The following ST6GALNAC3 variants were observed in gnomAD, a reference collection of about 807,000 sequenced individuals.
The protein encoded by ST6GALNAC3 is ST6 N-acetylgalactosaminide alpha-2,6-sialyltransferase 3, also known as alpha-N-acetylgalactosaminide alpha-2,6-sialyltransferase 3.
Under a neutral mutation model 32.7 loss-of-function variants are expected in ST6GALNAC3, and 25 were observed. The ratio of observed to expected loss-of-function variants is 0.76; its 90% CI spans 0.56 to 1.07. The LOEUF (loss-of-function observed/expected upper bound fraction) is 1.07, where lower values mean the gene tolerates loss of function less well. Ranked by LOEUF, ST6GALNAC3 falls within the 50% of genes least tolerant of loss-of-function variation. ST6GALNAC3 has a pLI of 0.00. For missense variants in ST6GALNAC3, 355 were observed against 382.4 expected, an observed-to-expected ratio of 0.93 and a Z score of 0.60; for synonymous variants, 129 against 133.1, an observed-to-expected ratio of 0.97 and a Z score of 0.21.
At chr1:76,346,000 AC>A (rs371002334) in intron 2 of ST6GALNAC3, among the ~76,000 whole-genome samples, 237 of 150,474 alleles carry the variant, frequency 1.6e-3, no homozygotes, top group African/African-American at 5.2e-3. Flanking sequence ...TCCCATGGCC[AC>A]CCCCTATAAA....
intron 3 of ST6GALNAC3, among the ~76,000 whole-genome samples, chr1:76,535,068 A>G (rs1255153917): frequency 6.6e-6 from 1 of 152,196 alleles, no homozygotes. Context: ...AATCATCTCT[A>G]GAGATAGAAT....
intron 3 of ST6GALNAC3, among the ~76,000 whole-genome samples, chr1:76,557,085 T>C (rs1345850658): frequency 6.6e-6 from 1 of 152,020 alleles, no homozygotes; most frequent in Non-Finnish European, 1.5e-5. Flanking sequence ...TTTTTTTGCA[T>C]GTGAATATAC....
At chr1:76,353,012 C>A (rs1030962578) in intron 2 of ST6GALNAC3, among the ~76,000 whole-genome samples, 1 of 152,114 alleles carries the variant, frequency 6.6e-6, no homozygotes, top group African/African-American at 2.4e-5. Flanking sequence ...CCTGCTTCCA[C>A]TCTCATCTTC....
At chr1:76,532,143 G>C (rs1368402849) in intron 3 of ST6GALNAC3, among the ~76,000 whole-genome samples, 1 of 152,066 alleles carries the variant, frequency 6.6e-6, no homozygotes, top group Admixed American at 6.5e-5. Flanking sequence ...CTTGATTGTT[G>C]GTGCTCTGGT....
chr1:76,490,489 T>C (rs1660427998), intron 3 of ST6GALNAC3, among the ~76,000 whole-genome samples: 1 of 149,350 alleles, frequency 6.7e-6, no homozygotes, highest in African/African-American at 2.4e-5. Flanking sequence ...TATATATTTA[T>C]ATATCAATAT....
chr1:76,363,371 C>T (rs1384489263), intron 2 of ST6GALNAC3, among the ~76,000 whole-genome samples: 1 of 152,192 alleles, frequency 6.6e-6, no homozygotes, highest in Non-Finnish European at 1.5e-5. Flanking sequence ...CTCCAGTTCC[C>T]AATAAGTTCC....
chr1:76,463,625 T>C (rs1014751212), intron 3 of ST6GALNAC3, among the ~76,000 whole-genome samples: 1 of 152,164 alleles, frequency 6.6e-6, no homozygotes, highest in Admixed American at 6.6e-5. Flanking sequence ...ACCCTGGGGT[T>C]ATAAAAAATG....
At chr1:76,216,943 T>A (rs1655500693) in intron 1 of ST6GALNAC3, among the ~76,000 whole-genome samples, 1 of 152,222 alleles carries the variant, frequency 6.6e-6, no homozygotes, top group South Asian at 2.1e-4. Flanking sequence ...ACATCATCCC[T>A]TGTTATTTTA....
At position 76,257,359 on chromosome 1, in the gene ST6GALNAC3, G is replaced by A. The variant is rs966013306; in HGVS notation, c.19-56446G>A. Among the ~76,000 whole-genome samples the A allele has an allele frequency of 2.6e-5, 4 of 152,240 alleles. No individual in the cohort carries two copies. The East Asian group carries it at 5.8e-4, about 22-fold the overall frequency. On this transcript the variant is annotated intron_variant, in intron 1 of 4. Transcript: ENST00000328299. ...TAGTGGTTCTAAAGCCTGCATGTGC[G>A]TCAGAATAATTTGGGGATTTGAGGT... is the stretch of plus-strand genomic sequence containing the variant.
intron 1 of ST6GALNAC3, among the ~76,000 whole-genome samples, chr1:76,263,136 A>G (rs1436330631): frequency 6.6e-6 from 1 of 152,152 alleles, no homozygotes; most frequent in African/African-American, 2.4e-5. Context: ...ATTAAATTGA[A>G]AAAACAATAT....
intron 1 of ST6GALNAC3, among the ~76,000 whole-genome samples, chr1:76,097,378 T>C (rs971643049): frequency 6.6e-5 from 10 of 152,184 alleles, no homozygotes; most frequent in African/African-American, 2.4e-4. Context: ...GTTCTCGTGA[T>C]AGTGAGTGAG....
intron 3 of ST6GALNAC3, among the ~76,000 whole-genome samples, chr1:76,606,973 C>T (rs998951276): frequency 6.6e-6 from 1 of 151,750 alleles, no homozygotes; most frequent in South Asian, 2.1e-4. Flanking sequence ...AGGTAAAGGC[C>T]TCAGTCCCAT....
chr1:76,496,839 A>T (rs142995412), intron 3 of ST6GALNAC3, among the ~76,000 whole-genome samples: 18 of 152,314 alleles, frequency 1.2e-4, no homozygotes, highest in African/African-American at 4.1e-4. Flanking sequence ...TGTTAGGTAA[A>T]TGAGAAACAA....
intron 1 of ST6GALNAC3, among the ~76,000 whole-genome samples, chr1:76,229,396 C>T (rs1189830881): frequency 6.6e-6 from 1 of 152,096 alleles, no homozygotes; most frequent in African/African-American, 2.4e-5. Flanking sequence ...CCTGTTAGAC[C>T]ACCTACAGCT....
chr1:76,218,677 T>TTCC (rs1329877518), intron 1 of ST6GALNAC3, among the ~76,000 whole-genome samples: 3 of 152,224 alleles, frequency 2.0e-5, no homozygotes, highest in Non-Finnish European at 4.4e-5. Context: ...GTCCTTTCTT[T>TTCC]TCCTCCTGGA....
intron 2 of ST6GALNAC3, among the ~76,000 whole-genome samples, chr1:76,324,079 C>T (rs1237358471): frequency 1.3e-5 from 2 of 152,026 alleles, no homozygotes; most frequent in Non-Finnish European, 2.9e-5. Context: ...AAGGTGGTCT[C>T]GAACTCCTGA....
intron 1 of ST6GALNAC3, among the ~76,000 whole-genome samples, chr1:76,217,437 G>T (rs1226345828): frequency 6.6e-6 from 1 of 152,192 alleles, no homozygotes; most frequent in African/African-American, 2.4e-5. Context: ...GAATATTTTA[G>T]TCTCAGCATA....
At chr1:76,136,290 T>C (rs1000950010) in intron 1 of ST6GALNAC3, among the ~76,000 whole-genome samples, 1 of 152,198 alleles carries the variant, frequency 6.6e-6, no homozygotes, top group African/African-American at 2.4e-5. Context: ...TTCTACAAAA[T>C]AGCTTTGTTG....
Position 76,629,595 on chromosome 1 carries a change from G to A in ST6GALNAC3, c.*789G>A. 1.0e-6 allele frequency: 1 copy of A among 984,460 alleles called. No individual in the cohort carries two copies. Among genetic ancestry groups the A allele is most frequent in the Non-Finnish European group, 1.2e-6 (1 of 828,852 alleles). The allele number at this position is 984,460 out of a possible 1,614,324, so 61.0% of individuals were successfully genotyped here. On this transcript the variant is annotated 3_prime_UTR_variant, in exon 5 of 5. Transcript: ENST00000328299. ...TGGTTGAGTGCTAAATATTTCAGAAGGCTACTTAACATGTAAGATACCAAC... is the reference window on the plus strand; with the variant it reads ...TGGTTGAGTGCTAAATATTTCAGAAAGCTACTTAACATGTAAGATACCAAC...
Sources: gnomAD v4.1 joint callset for allele counts (sites outside exome capture counted in the v4.1 genomes callset) on GRCh38, gnomAD v4.1.1 for gene constraint, MANE v1.5 for transcripts, NCBI Gene and HGNC (gene_info 2026-07-23, HGNC 2026-07-21) for gene names.